Variants in CEP85L observed in about 807,000 individuals in gnomAD.
CEP85L encodes the protein centrosomal protein of 85 kDa-like.
CEP85L carries 60 observed loss-of-function variants against 100.3 expected under a neutral mutation model. The observed-to-expected ratio is 0.60, with a 90% CI of 0.49 to 0.74. CEP85L has a LOEUF of 0.74. Among genes scored for constraint, CEP85L ranks in the 30% least tolerant of loss-of-function variants. CEP85L has a pLI of 0.00. For missense variants in CEP85L, 973 were observed against 936.2 expected, an observed-to-expected ratio of 1.04 and a Z score of -0.51; for synonymous variants, 319 against 322.7, an observed-to-expected ratio of 0.99 and a Z score of 0.12.
Position 118,480,388 on chromosome 6 carries a change from C to T in CEP85L, c.1863+8G>A. The T allele has an allele frequency of 2.7e-6, 4 of 1,497,658 alleles. No individual in the cohort carries two copies. The highest frequency in any genetic ancestry group is 2.8e-6 in the Non-Finnish European group (3 of 1,075,636). The allele number at this position is 1,497,658 out of a possible 1,614,324, so 92.8% of individuals were successfully genotyped here. ...ATTTCACGTTTATGATCTAAGGTATCTACTGACCTTACTAGCAGTCTCATT... is the reference window on the plus strand; with the variant it reads ...ATTTCACGTTTATGATCTAAGGTATTTACTGACCTTACTAGCAGTCTCATT... On this transcript the variant is annotated splice_region_variant and intron_variant, in intron 9 of 12. Transcript: ENST00000368491.
At chr6:118,524,442 TAAACAAAC>T (rs149343537) in intron 3 of CEP85L, among the ~76,000 whole-genome samples, 2 of 151,972 alleles carry the variant, frequency 1.3e-5, no homozygotes, top group African/African-American at 2.4e-5. Context: ...AGACTCTGTC[TAAACAAAC>T]AAACAAACAA....
At chr6:118,605,680 T>C (rs1007034186) in intron 2 of CEP85L, among the ~76,000 whole-genome samples, 1 of 152,066 alleles carries the variant, frequency 6.6e-6, no homozygotes, top group African/African-American at 2.4e-5. Flanking sequence ...GGTCTTAGGC[T>C]ACCAGAAGTT....
At chr6:118,558,656 CACACAGAGAGAGAG>C (rs1779035023) in intron 3 of CEP85L, among the ~76,000 whole-genome samples, 2 of 133,862 alleles carry the variant, frequency 1.5e-5, no homozygotes, top group African/African-American at 6.4e-5. Context: ...CACACACACA[CACACAGAGAGAGAG>C]AGAGAGAGAG....
intron 1 of CEP85L, among the ~76,000 whole-genome samples, chr6:118,708,294 C>T (rs1232809725): frequency 6.6e-6 from 1 of 152,094 alleles, no homozygotes; most frequent in African/African-American, 2.4e-5. Flanking sequence ...GCAATCTGGG[C>T]CTGGGATGGA....
intron 5 of CEP85L, among the ~76,000 whole-genome samples, chr6:118,504,746 T>C (rs1008204460): frequency 2.0e-5 from 3 of 152,142 alleles, no homozygotes; most frequent in Non-Finnish European, 1.5e-5. Flanking sequence ...TGGAGGGCAG[T>C]CTTGTGGTAG....
chr6:118,544,040 T>C (rs1401844791), intron 3 of CEP85L, among the ~76,000 whole-genome samples: 1 of 152,168 alleles, frequency 6.6e-6, no homozygotes, highest in Non-Finnish European at 1.5e-5. Flanking sequence ...AGCCTCCAAT[T>C]TCAATTTTGT....
chr6:118,652,879 C>T (rs9489487), upstream of CEP85L: 453,071 of 658,328 alleles, frequency 0.69, 160,673 homozygotes, highest in African/African-American at 0.74. Context: ...TTAATGTGCA[C>T]TAGCTCGTTT....
intron 1 of CEP85L, among the ~76,000 whole-genome samples, chr6:118,701,886 G>T (rs772315629): frequency 6.6e-6 from 1 of 152,158 alleles, no homozygotes; most frequent in African/African-American, 2.4e-5. Flanking sequence ...CATAAGGATA[G>T]GTCAAATGCC....
At chr6:118,643,745 G>A (rs1775018727) in intron 1 of CEP85L, among the ~76,000 whole-genome samples, 1 of 152,158 alleles carries the variant, frequency 6.6e-6, no homozygotes, top group Admixed American at 6.6e-5. Context: ...TCAGACAGAG[G>A]TTAAGAAAAG....
intron 4 of CEP85L, among the ~76,000 whole-genome samples, chr6:118,520,948 T>C (rs1335908713): frequency 6.6e-6 from 1 of 152,228 alleles, no homozygotes. Flanking sequence ...TCTATAGCAG[T>C]TATTTTTCCC....
Position 118,686,796 on chromosome 6 carries a change from G to A in CEP85L, c.-28+23240C>T, listed in dbSNP as rs139030748. Among the ~76,000 whole-genome samples, 508 of 152,226 alleles carry A rather than the reference G, an allele frequency of 3.3e-3. 2 individuals are homozygous for A. The highest frequency in any genetic ancestry group is 0.011 in the African/African-American group (472 of 41,546). On this transcript the variant is annotated intron_variant, in intron 1 of 13. Coordinates refer to the CEP85L transcript ENST00000368488. ...GGCCTGTTGTGTTCTACAATTCTAGGATCCAAAACTTCACATACACACTCT... is the reference window on the plus strand; with the variant it reads ...GGCCTGTTGTGTTCTACAATTCTAGAATCCAAAACTTCACATACACACTCT...
At chr6:118,623,571 C>T (rs998847879) in intron 2 of CEP85L, among the ~76,000 whole-genome samples, 4 of 152,126 alleles carry the variant, frequency 2.6e-5, no homozygotes, top group African/African-American at 9.7e-5. Context: ...GTCGAAAAGG[C>T]AAATGAAACA....
At chr6:118,558,630 C>G (rs1488519178) in intron 3 of CEP85L, among the ~76,000 whole-genome samples, 1 of 57,110 alleles carries the variant, frequency 1.8e-5, no homozygotes. Context: ...TGCACATACA[C>G]ACACACACAC....
intron 4 of CEP85L, among the ~76,000 whole-genome samples, chr6:118,517,610 T>C (rs762670659): frequency 1.6e-4 from 24 of 152,264 alleles, no homozygotes; most frequent in Non-Finnish European, 2.8e-4. Context: ...TTTGCTAAAG[T>C]TGCTTATCGG....
intron 2 of CEP85L, among the ~76,000 whole-genome samples, chr6:118,612,785 GA>G (rs2115237426): frequency 6.7e-6 from 1 of 149,320 alleles, no homozygotes; most frequent in African/African-American, 2.5e-5. Flanking sequence ...AAGCAACAAA[GA>G]GCAGAAATTG....
intron 5 of CEP85L, among the ~76,000 whole-genome samples, chr6:118,504,591 A>G (rs1283658722): frequency 6.6e-6 from 1 of 152,120 alleles, no homozygotes; most frequent in Non-Finnish European, 1.5e-5. Context: ...ATCTTTTCTA[A>G]TATCCTTTAT....
chr6:118,465,829 A>C (rs1485708423), intron 12 of CEP85L, among the ~76,000 whole-genome samples: 2 of 152,168 alleles, frequency 1.3e-5, no homozygotes, highest in Non-Finnish European at 2.9e-5. Context: ...GGGTAACAAT[A>C]TTCCAAAAGT....
At chr6:118,585,654 A>G (rs570796577) in intron 2 of CEP85L, among the ~76,000 whole-genome samples, 2 of 152,348 alleles carry the variant, frequency 1.3e-5, no homozygotes, top group African/African-American at 4.8e-5. Context: ...GAAAGTCCTT[A>G]AAGTGCTTCA....
At chr6:118,690,097 C>A (rs1776986536) in intron 1 of CEP85L, among the ~76,000 whole-genome samples, 1 of 152,166 alleles carries the variant, frequency 6.6e-6, no homozygotes, top group African/African-American at 2.4e-5. Context: ...AAAAGCAACT[C>A]TTTATCCCTG....
Sources: gnomAD v4.1 joint callset for allele counts (sites outside exome capture counted in the v4.1 genomes callset) on GRCh38, gnomAD v4.1.1 for gene constraint, MANE v1.5 for transcripts, NCBI Gene and HGNC (gene_info 2026-07-23, HGNC 2026-07-21) for gene names.